The following KIF6 variants were observed in gnomAD, a reference collection of about 807,000 sequenced individuals.
The protein encoded by KIF6 is kinesin-like protein KIF6.
In KIF6, 106 loss-of-function variants were observed where a neutral mutation model predicts 112.7. The ratio of observed to expected loss-of-function variants is 0.94; its 90% confidence interval spans 0.80 to 1.11. KIF6 has a LOEUF of 1.11. KIF6 is among the 50% of genes least tolerant of loss of function. KIF6 has a pLI of 0.00. For synonymous variants in KIF6, 339 were observed against 339.9 expected, an observed-to-expected ratio of 1.00 and a Z score of 0.03; for missense variants, 929 against 964.0, an observed-to-expected ratio of 0.96 and a Z score of 0.48.
intron 16 of KIF6, among the ~76,000 whole-genome samples, chr6:39,381,880 C>T (rs553915851): frequency 2.0e-5 from 3 of 152,182 alleles, no homozygotes; most frequent in African/African-American, 4.8e-5. Context: ...CAAAGCTAGG[C>T]GCTACTGAAC....
intron 16 of KIF6, among the ~76,000 whole-genome samples, chr6:39,369,320 G>T (rs990860273): frequency 3.9e-5 from 6 of 152,118 alleles, no homozygotes. Context: ...AGGGTGTGCT[G>T]AATGACCCTG....
chr6:39,423,023 C>A (rs543918610), intron 14 of KIF6, among the ~76,000 whole-genome samples: 1 of 152,182 alleles, frequency 6.6e-6, no homozygotes, highest in African/African-American at 2.4e-5. Flanking sequence ...CACTGATGAG[C>A]GCCCGAGGGT....
At chr6:39,352,145 C>T (rs1764304471) in intron 19 of KIF6, among the ~76,000 whole-genome samples, 1 of 152,210 alleles carries the variant, frequency 6.6e-6, no homozygotes, top group African/African-American at 2.4e-5. Flanking sequence ...TTTAAGTTTA[C>T]AGAAAATTGA....
At position 39,475,236 on chromosome 6, in the gene KIF6, T is replaced by G. The variant is rs555908090; in HGVS notation, c.1646-44075A>C. Among the ~76,000 whole-genome samples, 60 of 152,280 alleles carry G rather than the reference T, an allele frequency of 3.9e-4. No individual in the cohort carries two copies. The South Asian group carries it at 0.011, about 28-fold the overall frequency. On this transcript the variant is annotated intron_variant, in intron 13 of 22. Coordinates refer to ENST00000287152, the MANE Select transcript of KIF6 (RefSeq NM_145027.6). Reference sequence around the variant, plus strand: ...GATGGAAATAATTACCCTCCCTGCCTCATATGGGTGTTCTGGGGAGGAAGT... The same window carrying G: ...GATGGAAATAATTACCCTCCCTGCCGCATATGGGTGTTCTGGGGAGGAAGT...
chr6:39,619,791 T>C (rs1272711567), intron 5 of KIF6, among the ~76,000 whole-genome samples: 1 of 152,218 alleles, frequency 6.6e-6, no homozygotes, highest in East Asian at 1.9e-4. Context: ...TTAGTCACTA[T>C]AATTTAATCA....
chr6:39,581,090 AACTTGAAAGAAAAAC>A (rs1252634290), intron 9 of KIF6, among the ~76,000 whole-genome samples: 1 of 151,936 alleles, frequency 6.6e-6, no homozygotes, highest in Admixed American at 6.6e-5. Flanking sequence ...TAGTACTCAA[AACTTGAAAGAAAAAC>A]ACCATAGGAT....
chr6:39,444,077 C>A (rs1349281469), intron 13 of KIF6, among the ~76,000 whole-genome samples: 2 of 152,130 alleles, frequency 1.3e-5, no homozygotes, highest in Admixed American at 1.3e-4. Context: ...TACATATGTT[C>A]TTATTTAATT....
rs1762778699 is a variant in KIF6 at position 39,332,536 on chromosome 6, C to T, written c.*3996G>A. On this transcript the variant is annotated 3_prime_UTR_variant, in exon 23 of 23. Transcript: ENST00000287152. ...CTATCATCTAGGACTAATTTGGCCC[C>T]ACTTCTGAGGCAGTACCTTATGTGT... The T allele has an allele frequency of 6.6e-6, 1 of 152,162 alleles. No homozygotes were observed. Among genetic ancestry groups the T allele is most frequent in the South Asian group, 2.1e-4 (1 of 4,828 alleles). The allele number at this position is 152,162 out of a possible 1,614,324, so 9.4% of individuals were successfully genotyped here.
At chr6:39,593,836 TGA>T (rs1361555428) in intron 7 of KIF6, among the ~76,000 whole-genome samples, 1 of 152,192 alleles carries the variant, frequency 6.6e-6, no homozygotes, top group Non-Finnish European at 1.5e-5. Flanking sequence ...CTCCTCAGTC[TGA>T]GTCAGATACC....
intron 3 of KIF6, among the ~76,000 whole-genome samples, chr6:39,708,007 T>A (rs1358038959): frequency 1.3e-5 from 2 of 152,212 alleles, no homozygotes; most frequent in Non-Finnish European, 2.9e-5. Context: ...AAGATTTTTT[T>A]AATCCTCTTT....
At chr6:39,597,460 T>C (rs1381102394) in intron 6 of KIF6, among the ~76,000 whole-genome samples, 1 of 152,208 alleles carries the variant, frequency 6.6e-6, no homozygotes, top group Non-Finnish European at 1.5e-5. Context: ...CAGTGAGACA[T>C]GCTGTGCTCA....
At chr6:39,401,927 C>T (rs993617514) in intron 15 of KIF6, among the ~76,000 whole-genome samples, 4 of 152,186 alleles carry the variant, frequency 2.6e-5, no homozygotes, top group Non-Finnish European at 5.9e-5. Context: ...ATGAAACATT[C>T]TAGCTAGTCT....
Position 39,343,330 on chromosome 6 carries a change from AG to A in KIF6, c.2428+378del, listed in dbSNP as rs761598448. On this transcript the variant is annotated intron_variant, in intron 22 of 22. Transcript: ENST00000287152. This position sits in a 1 kb window ranked among gnomAD's most constrained non-coding sequence, Gnocchi z 4.1. ...TGATAGGGGAGTGAGACTTTAAGCCAGGGGTTCAACGAGTTACCAAAACATC... is the reference window on the plus strand; with the variant it reads ...TGATAGGGGAGTGAGACTTTAAGCCAGGGTTCAACGAGTTACCAAAACATC... The A allele has an allele frequency of 1.5e-6, 2 of 1,298,048 alleles. No individual in the cohort carries two copies. The highest frequency in any genetic ancestry group is 2.5e-5 in the South Asian group (2 of 81,094). The allele number at this position is 1,298,048 out of a possible 1,614,324, so 80.4% of individuals were successfully genotyped here.
At chr6:39,341,069 A>G (rs1296251039) in intron 22 of KIF6, among the ~76,000 whole-genome samples, 1 of 152,026 alleles carries the variant, frequency 6.6e-6, no homozygotes, top group Non-Finnish European at 1.5e-5. Flanking sequence ...TCAGCACGTG[A>G]GCATGTCTTA....
rs1182226731 is a variant in KIF6 at position 39,472,949 on chromosome 6, C to T, written c.1646-41788G>A. Among the ~76,000 whole-genome samples, 8 of 151,676 alleles carry T rather than the reference C, an allele frequency of 5.3e-5. No homozygotes were observed. In the East Asian group the frequency reaches 1.2e-3, roughly 22 times the overall value. ...TTGCCCAGGCTGGAGTACAATGGCGCGATCTCAGCTCACCGCAACCTCTGC... is the reference window on the plus strand; with the variant it reads ...TTGCCCAGGCTGGAGTACAATGGCGTGATCTCAGCTCACCGCAACCTCTGC... On this transcript the variant is annotated intron_variant, in intron 13 of 22. Transcript: ENST00000287152.
intron 14 of KIF6, among the ~76,000 whole-genome samples, chr6:39,426,020 T>G (rs1268122447): frequency 6.6e-6 from 1 of 152,224 alleles, no homozygotes; most frequent in Non-Finnish European, 1.5e-5. Flanking sequence ...TTTCAACACC[T>G]TCATTTCCAA....
Position 39,390,048 on chromosome 6 carries a change from A to AAAAAAAAAAAAAG in KIF6, c.1811-4377_1811-4376insCTTTTTTTTTTTT, listed in dbSNP as rs1258761315. Among the ~76,000 whole-genome samples, 1,072 of 137,028 alleles carry AAAAAAAAAAAAAG rather than the reference A, an allele frequency of 7.8e-3. 50 individuals are homozygous for AAAAAAAAAAAAAG. Among genetic ancestry groups the AAAAAAAAAAAAAG allele is most frequent in the African/African-American group, 0.027 (857 of 32,212 alleles). 89.9% of individuals were successfully genotyped at this position (137,028 alleles called of 152,430 possible). On this transcript the variant is annotated intron_variant, in intron 15 of 22. Coordinates refer to ENST00000287152, the MANE Select transcript of KIF6 (RefSeq NM_145027.6). ...TCTGTCTCCAAAAAAAAAAAAAAAA[A>AAAAAAAAAAAAAG]AAAAGGAAATAATTACAAATCTGGA...
intron 4 of KIF6, 81 bp downstream of exon 4, chr6:39,639,529 T>G (rs1253622469): frequency 8.8e-7 from 1 of 1,137,776 alleles, no homozygotes; most frequent in South Asian, 1.9e-5. Flanking sequence ...ATAAAATACA[T>G]GTCATAATAA....
rs1785464267 is a variant in KIF6 at position 39,651,419 on chromosome 6, A to G, written c.252-11662T>C. Among the ~76,000 whole-genome samples the G allele has an allele frequency of 1.3e-5, 2 of 152,174 alleles. 1 individual carries two copies. The highest frequency in any genetic ancestry group is 4.1e-4 in the South Asian group (2 of 4,830). On this transcript the variant is annotated intron_variant, in intron 3 of 22. Coordinates refer to ENST00000287152, the MANE Select transcript of KIF6 (RefSeq NM_145027.6). ...GCACTGCAGGATGGCGGGGGAGGGTAGCAGGTGGCTGCCGTCAGTGTGGTG... is the reference window on the plus strand; with the variant it reads ...GCACTGCAGGATGGCGGGGGAGGGTGGCAGGTGGCTGCCGTCAGTGTGGTG...
Sources: allele counts gnomAD v4.1 joint callset (sites outside exome capture counted in the v4.1 genomes callset), GRCh38; gene constraint gnomAD v4.1.1; non-coding constraint Gnocchi (gnomAD v3.1); transcripts MANE v1.5; gene names NCBI Gene and HGNC (gene_info 2026-07-23, HGNC 2026-07-21).